RIC3: variants seen among roughly 807,000 people sequenced by gnomAD.
The protein encoded by RIC3 is RIC3 acetylcholine receptor chaperone.
RIC3 carries 28 observed loss-of-function variants against 27.3 expected under a neutral mutation model. The observed-to-expected ratio is 1.02, with a 90% CI of 0.76 to 1.41. The LOEUF is 1.41. Ranked by LOEUF, RIC3 falls within the 40% of genes most tolerant of loss-of-function variation. The probability of loss-of-function intolerance (pLI) is 0.00; values close to 1 mark genes in which losing one functional copy is unlikely to be tolerated. For synonymous variants in RIC3, 184 were observed against 160.4 expected (o/e 1.15, Z -1.11); for missense variants, 501 against 444.7 (o/e 1.13, Z -1.14).
intron 1 of RIC3, among the ~76,000 whole-genome samples, chr11:8,146,366 T>C (rs1949678682): frequency 6.6e-6 from 1 of 152,114 alleles, no homozygotes; most frequent in Non-Finnish European, 1.5e-5. Flanking sequence ...TATAAAGACA[T>C]AAACATAAAC....
chr11:8,117,261 C>T (rs1329798651), intron 5 of RIC3, among the ~76,000 whole-genome samples: 1 of 152,174 alleles, frequency 6.6e-6, no homozygotes, highest in Non-Finnish European at 1.5e-5. Flanking sequence ...GACAGGGTTT[C>T]ACCGTGTTGC....
intron 5 of RIC3, among the ~76,000 whole-genome samples, chr11:8,122,629 C>G (rs534195805): frequency 1.3e-5 from 2 of 152,232 alleles, no homozygotes; most frequent in East Asian, 3.9e-4. Context: ...TGTTCCTCAA[C>G]TGGTGAATGG....
In RIC3 at chr11:8,147,724, A is replaced by ATTT. The variant is rs900780947; in HGVS notation, c.125-7534_125-7532dup. On this transcript the variant is annotated intron_variant, in intron 1 of 5. Transcript: ENST00000309737. Reference sequence around the variant, plus strand: ...GCCTGTTAGGTAGAACTTGCGTAAGATTTTTTTTTTTTTTTTTTTTTTGAG... The same window carrying ATTT: ...GCCTGTTAGGTAGAACTTGCGTAAGATTTTTTTTTTTTTTTTTTTTTTTTTGAG... 6.2e-3 allele frequency among the ~76,000 whole-genome samples: 775 copies of ATTT among 124,510 alleles called. 8 individuals are homozygous for ATTT. Among genetic ancestry groups the ATTT allele is most frequent in the Non-Finnish European group, 9.1e-3 (546 of 60,228 alleles). The allele number at this position is 124,510 out of a possible 152,430, so 81.7% of individuals were successfully genotyped here. A position where few individuals can be genotyped will look rare whatever the true frequency, so the allele number is the denominator to read the frequency against.
At chr11:8,105,979 C>T (rs760736707), downstream of RIC3, 2 of 151,990 alleles carry the variant, frequency 1.3e-5, no homozygotes, top group African/African-American at 2.4e-5. Context: ...TGTCTATTTG[C>T]ACAAGATTGT....
At chr11:8,159,371 A>C (rs1245413962) in intron 1 of RIC3, among the ~76,000 whole-genome samples, 1 of 152,178 alleles carries the variant, frequency 6.6e-6, no homozygotes, top group Non-Finnish European at 1.5e-5. Context: ...GCAAATGGGG[A>C]AGAGAATTAC....
chr11:8,106,230 G>A lies in RIC3; in HGVS notation c.*4468C>T, dbSNP rs1269170119. 1 of 152,142 alleles carries A rather than the reference G, an allele frequency of 6.6e-6. No homozygotes were observed. The highest frequency in any genetic ancestry group is 1.5e-5 in the Non-Finnish European group (1 of 68,022). The allele number at this position is 152,142 out of a possible 1,614,324, so 9.4% of individuals were successfully genotyped here. On this transcript the variant is annotated 3_prime_UTR_variant, in exon 6 of 6. Coordinates refer to ENST00000309737, the MANE Select transcript of RIC3 (RefSeq NM_001206671.4). ...ACACATATATCAACAAATTAAACTT[G>A]AATCGTTTCAACACTTCTGTGTACT...
intron 5 of RIC3, among the ~76,000 whole-genome samples, chr11:8,117,680 A>G (rs2133427560): frequency 6.6e-6 from 1 of 152,320 alleles, no homozygotes; most frequent in Non-Finnish European, 1.5e-5. Context: ...AATTGCTAAC[A>G]GAGTACATTT....
intron 5 of RIC3, among the ~76,000 whole-genome samples, chr11:8,124,960 A>T (rs1946836906): frequency 6.6e-6 from 1 of 152,168 alleles, no homozygotes; most frequent in Non-Finnish European, 1.5e-5. Context: ...CTTAAACAGA[A>T]CATAAAAAAT....
intron 1 of RIC3, among the ~76,000 whole-genome samples, chr11:8,163,046 C>T (rs1951334080): frequency 7.6e-6 from 1 of 132,328 alleles, no homozygotes; most frequent in South Asian, 2.5e-4. Context: ...CACACACACA[C>T]ACACATACAC....
chr11:8,162,626 CTTCT>C lies in RIC3; in HGVS notation c.124+6236_124+6239del, dbSNP rs1378231289. ...GAGGATACTTCAAGGCTCCATGCTT[CTTCT>C]TTTTTTTTTTTTTTTTTTTTTTTTT... On this transcript the variant is annotated intron_variant, in intron 1 of 5. Transcript: ENST00000309737. Among the ~76,000 whole-genome samples the C allele has an allele frequency of 7.5e-5, 8 of 106,574 alleles. No individual in the cohort carries two copies. In the East Asian group the frequency reaches 2.1e-3, roughly 28 times the overall value. 69.9% of individuals were successfully genotyped at this position (106,574 alleles called of 152,430 possible). A position where few individuals can be genotyped will look rare whatever the true frequency, so the allele number is the denominator to read the frequency against.
chr11:8,100,413 C>T, the RIC3 span: 4 of 994,624 alleles, frequency 4.0e-6, no homozygotes, highest in Admixed American at 3.9e-5. Flanking sequence ...ATGGTGGGAA[C>T]TAGCTCTTCC....
At position 8,106,219 on chromosome 11, in the gene RIC3, A is replaced by C. The variant is rs1053869460; in HGVS notation, c.*4479T>G. On this transcript the variant is annotated 3_prime_UTR_variant, in exon 6 of 6. Coordinates refer to ENST00000309737, the MANE Select transcript of RIC3 (RefSeq NM_001206671.4). ...TGTCTAAGTACACACATATATCAACAAATTAAACTTGAATCGTTTCAACAC... is the reference window on the plus strand; with the variant it reads ...TGTCTAAGTACACACATATATCAACCAATTAAACTTGAATCGTTTCAACAC... 3.3e-5 allele frequency: 5 copies of C among 152,234 alleles called. No individual in the cohort carries two copies. Among genetic ancestry groups the C allele is most frequent in the African/African-American group, 1.2e-4 (5 of 41,452 alleles). 9.4% of individuals were successfully genotyped at this position (152,234 alleles called of 1,614,324 possible). A position where few individuals can be genotyped will look rare whatever the true frequency, so the allele number is the denominator to read the frequency against.
At chr11:8,116,346 G>A (rs1945862767) in intron 5 of RIC3, among the ~76,000 whole-genome samples, 1 of 152,126 alleles carries the variant, frequency 6.6e-6, no homozygotes, top group Non-Finnish European at 1.5e-5. Flanking sequence ...AAAACCTAGG[G>A]AAAAAGCTCC....
intron 1 of RIC3, among the ~76,000 whole-genome samples, chr11:8,145,307 A>G (rs1432201147): frequency 6.7e-6 from 1 of 148,642 alleles, no homozygotes; most frequent in South Asian, 2.2e-4. Flanking sequence ...TTCTAGCTCA[A>G]TCTCTCTCCT....
chr11:8,114,342 G>A (rs952411208), intron 5 of RIC3, among the ~76,000 whole-genome samples: 4 of 152,168 alleles, frequency 2.6e-5, no homozygotes, highest in Non-Finnish European at 5.9e-5. Context: ...GATGGCTCAC[G>A]CTTGTAATCT....
chr11:8,158,056 A>G (rs186727619), intron 1 of RIC3, among the ~76,000 whole-genome samples: 7 of 152,268 alleles, frequency 4.6e-5, no homozygotes, highest in Admixed American at 3.9e-4. Flanking sequence ...CCAAAATAAT[A>G]TATTTGTCTT....
At chr11:8,093,070 A>C in the RIC3 span, among the ~76,000 whole-genome samples, 1 of 152,158 alleles carries the variant, frequency 6.6e-6, no homozygotes, top group African/African-American at 2.4e-5. Context: ...CGGACCTTAC[A>C]GTCTAGGTGG....
At chr11:8,160,145 C>T (rs1289446798) in intron 1 of RIC3, among the ~76,000 whole-genome samples, 1 of 152,122 alleles carries the variant, frequency 6.6e-6, no homozygotes, top group Non-Finnish European at 1.5e-5. Flanking sequence ...ATTGTGGCTA[C>T]ATTTTAATAA....
Position 8,168,984 on chromosome 11 carries a change from C to T in RIC3, c.6G>A (p.Ala2=). ...GAGCGACTCTCTGCACTGTGGAGTA[C>T]GCCATGACTGCTCACGGTGGTCGCA... is the stretch of plus-strand genomic sequence containing the variant. The part of the protein sequence containing the change: M[A]YSTVQRVALA... Residue 2 remains alanine (A), a synonymous_variant, in exon 1 of 6, where the codon GCG becomes GCA. Transcript: ENST00000309737. The T allele has an allele frequency of 6.3e-7, 1 of 1,586,378 alleles. No homozygotes were observed. Among genetic ancestry groups the T allele is most frequent in the East Asian group, 2.4e-5 (1 of 41,844 alleles).
Sources: gnomAD v4.1 joint callset for allele counts (sites outside exome capture counted in the v4.1 genomes callset) on GRCh38, gnomAD v4.1.1 for gene constraint, MANE v1.5 for transcripts, NCBI Gene and HGNC (gene_info 2026-07-23, HGNC 2026-07-21) for gene names.